ATP6V1A: variants seen among roughly 807,000 people sequenced by gnomAD.
ATP6V1A encodes ATPase H+ transporting V1 subunit A.
A neutral mutation model predicts 70.1 loss-of-function variants in ATP6V1A; 18 were observed. The ratio of observed to expected loss-of-function variants is 0.26; its 90% CI spans 0.18 to 0.38. The LOEUF is 0.38. Among genes scored for constraint, ATP6V1A ranks in the 10% least tolerant of loss-of-function variants. The pLI, the probability that ATP6V1A is intolerant of heterozygous loss-of-function variation, is 1.00. For missense variants in ATP6V1A, 424 were observed against 772.4 expected, an observed-to-expected ratio of 0.55 and a Z score of 5.35; for synonymous variants, 232 against 253.8, an observed-to-expected ratio of 0.91 and a Z score of 0.82.
intron 1 of ATP6V1A, among the ~76,000 whole-genome samples, chr3:113,758,539 T>G (rs1708669263): frequency 6.6e-6 from 1 of 152,234 alleles, no homozygotes; most frequent in Admixed American, 6.5e-5. Context: ...TGACTATTAT[T>G]CCATTTTATG....
At chr3:113,797,487 C>T (rs1709165757) in intron 11 of ATP6V1A, among the ~76,000 whole-genome samples, 1 of 151,610 alleles carries the variant, frequency 6.6e-6, no homozygotes. Flanking sequence ...AACTCCTGAC[C>T]TCAGGTGATC....
intron 8 of ATP6V1A, 66 bp from the exon 9 acceptor site, chr3:113,794,806 G>A: frequency 6.5e-7 from 1 of 1,527,608 alleles, no homozygotes; most frequent in South Asian, 1.3e-5. Flanking sequence ...TTTTCTTAAG[G>A]GTGGAAAAAA....
rs537288507 is a variant in ATP6V1A, at chr3:113,811,963, T to C, written c.*2536T>C. The C allele has an allele frequency of 6.5e-6, 1 of 152,714 alleles. No homozygotes were observed. Among genetic ancestry groups the C allele is most frequent in the Non-Finnish European group, 1.5e-5 (1 of 68,018 alleles). The allele number at this position is 152,714 out of a possible 1,614,324, so 9.5% of individuals were successfully genotyped here. A position where few individuals can be genotyped will look rare whatever the true frequency, so the allele number is the denominator to read the frequency against. ...AACGAATAGAAGAGGCCATATATAT[T>C]GCCTCCTTATCCTTGAGATTTCACT... is the stretch of plus-strand genomic sequence containing the variant. On this transcript the variant is annotated 3_prime_UTR_variant, in exon 15 of 15. Coordinates refer to ENST00000273398, the MANE Select transcript of ATP6V1A (RefSeq NM_001690.4).
At position 113,809,673 on chromosome 3, in the gene ATP6V1A, T is replaced by C. The variant is rs1458947519; in HGVS notation, c.*246T>C. On this transcript the variant is annotated 3_prime_UTR_variant, in exon 15 of 15. Transcript: ENST00000273398. ...AAGTGGTGAATATAGTAAATATACA[T>C]TCTGGTTACACTACTGTAAACTTGT... 3.0e-6 allele frequency: 1 copy of C among 333,294 alleles called. No individual in the cohort carries two copies. The highest frequency in any genetic ancestry group is 5.8e-6 in the Non-Finnish European group (1 of 173,522). 20.6% of individuals were successfully genotyped at this position (333,294 alleles called of 1,614,324 possible).
chr3:113,771,420 T>G (rs1039006214), intron 1 of ATP6V1A, among the ~76,000 whole-genome samples: 1 of 142,260 alleles, frequency 7.0e-6, no homozygotes, highest in African/African-American at 2.5e-5. Flanking sequence ...AACACTTGCA[T>G]ATTTTTCTCT....
chr3:113,802,370 C>A (rs1237688895), intron 12 of ATP6V1A, among the ~76,000 whole-genome samples: 1 of 152,114 alleles, frequency 6.6e-6, no homozygotes, highest in Non-Finnish European at 1.5e-5. Context: ...CTCACACTGT[C>A]GCCAGGCTGG....
At chr3:113,753,801 T>C (rs2108006802) in intron 1 of ATP6V1A, among the ~76,000 whole-genome samples, 1 of 151,868 alleles carries the variant, frequency 6.6e-6, no homozygotes, top group African/African-American at 2.4e-5. Context: ...GTTTAAGCTA[T>C]CCTCCCGCCT....
intron 3 of ATP6V1A, 103 bp from the exon 4 acceptor site, chr3:113,784,121 C>T (rs956137267): frequency 9.8e-6 from 11 of 1,118,700 alleles, no homozygotes; most frequent in African/African-American, 3.1e-5. Context: ...TGGGAACTTC[C>T]GTTTTCACTT....
chr3:113,809,146 T>G (rs1241465765), intron 14 of ATP6V1A, among the ~76,000 whole-genome samples, 189 bp from the exon 15 acceptor site: 2 of 151,924 alleles, frequency 1.3e-5, no homozygotes, highest in Non-Finnish European at 2.9e-5. Context: ...TCCCAACTAC[T>G]TGGGAGGCTG....
chr3:113,801,389 T>C (rs549303610), intron 12 of ATP6V1A, among the ~76,000 whole-genome samples: 457 of 152,278 alleles, frequency 3.0e-3, no homozygotes, highest in Non-Finnish European at 5.6e-3. Context: ...CTGTGGAGAA[T>C]TGCTCAAACA....
chr3:113,761,079 AT>A (rs1186794721), intron 1 of ATP6V1A, among the ~76,000 whole-genome samples: 1 of 128,152 alleles, frequency 7.8e-6, no homozygotes, highest in Non-Finnish European at 1.7e-5. Flanking sequence ...GAAAAAAAAA[AT>A]AGACATATTT....
chr3:113,788,576 C>A, intron 6 of ATP6V1A, 137 bp from the exon 7 acceptor site: 1 of 664,880 alleles, frequency 1.5e-6, no homozygotes, highest in Non-Finnish European at 2.5e-6. Context: ...GAACTCCTCA[C>A]TTCAGATGAT....
At chr3:113,760,459 T>A (rs1016099560) in intron 1 of ATP6V1A, among the ~76,000 whole-genome samples, 1 of 152,194 alleles carries the variant, frequency 6.6e-6, no homozygotes, top group African/African-American at 2.4e-5. Context: ...CTGGGCATGG[T>A]GGCTTACGCC....
At chr3:113,805,241 T>C in intron 13 of ATP6V1A, 113 bp from the exon 14 acceptor site, 1 of 1,059,774 alleles carries the variant, frequency 9.4e-7, no homozygotes, top group Non-Finnish European at 1.4e-6. Flanking sequence ...ATCTAATAAA[T>C]AAGCAATCTG....
rs143000163 is a variant in ATP6V1A, at chr3:113,782,874, G to A, written c.212-1350G>A. 2.6e-4 allele frequency among the ~76,000 whole-genome samples: 40 copies of A among 151,724 alleles called. 1 individual carries two copies. In the East Asian group the frequency reaches 6.8e-3, roughly 26 times the overall value. On this transcript the variant is annotated intron_variant, in intron 3 of 14. Transcript: ENST00000273398. ...CCTGACCTCACGATCCACCTGCCCC[G>A]GCCTCCCAAGATAGCATATTTTAGG...
At chr3:113,778,427 GT>G (rs1394793154) in intron 1 of ATP6V1A, among the ~76,000 whole-genome samples, 2 of 151,880 alleles carry the variant, frequency 1.3e-5, no homozygotes, top group African/African-American at 4.8e-5. Flanking sequence ...CAAAAAACTA[GT>G]TGGGCATGGT....
intron 12 of ATP6V1A, among the ~76,000 whole-genome samples, chr3:113,800,685 C>A (rs1025795882): frequency 6.6e-6 from 1 of 152,152 alleles, no homozygotes; most frequent in Non-Finnish European, 1.5e-5. Flanking sequence ...AAGAAAATAT[C>A]TTTGTGATCT....
At chr3:113,788,215 A>AT (rs1290247131) in intron 6 of ATP6V1A, among the ~76,000 whole-genome samples, 1 of 151,874 alleles carries the variant, frequency 6.6e-6, no homozygotes, top group Non-Finnish European at 1.5e-5. Flanking sequence ...GCCTAGCCTT[A>AT]TTTTATCTTA....
At chr3:113,784,660 A>C (rs1709018163) in intron 4 of ATP6V1A, 36 bp from the exon 5 acceptor site, 1 of 1,606,182 alleles carries the variant, frequency 6.2e-7, no homozygotes, top group South Asian at 1.1e-5. Flanking sequence ...CTTGACATTT[A>C]TTTGCAAATT....
Sources: gnomAD v4.1 joint callset for allele counts (sites outside exome capture counted in the v4.1 genomes callset) on GRCh38, gnomAD v4.1.1 for gene constraint, MANE v1.5 for transcripts, NCBI Gene and HGNC (gene_info 2026-07-23, HGNC 2026-07-21) for gene names.